The following LRRTM4 variants were observed in gnomAD, a reference collection of about 807,000 sequenced individuals.
The protein encoded by LRRTM4 is leucine-rich repeat transmembrane neuronal protein 4.
A neutral mutation model predicts 47.6 loss-of-function variants in LRRTM4; 25 were observed. That is an observed-to-expected ratio of 0.53 (90% CI 0.38 to 0.73). LRRTM4 has a LOEUF of 0.73. Ranked by LOEUF, LRRTM4 falls within the 30% of genes least tolerant of loss-of-function variation. The pLI is 0.00. For synonymous variants in LRRTM4, 311 were observed against 269.5 expected (o/e 1.15, Z -1.51); for missense variants, 638 against 713.4 (o/e 0.89, Z 1.20).
chr2:77,477,901 GAAAAAGA>G (rs1558761861), intron 3 of LRRTM4, among the ~76,000 whole-genome samples: 2 of 71,062 alleles, frequency 2.8e-5, no homozygotes, highest in African/African-American at 1.1e-4. Context: ...GAAAAAGAAA[GAAAAAGA>G]AAGAAAGAAA....
intron 3 of LRRTM4, among the ~76,000 whole-genome samples, chr2:77,502,018 G>T (rs1479168808): frequency 1.3e-5 from 2 of 151,260 alleles, no homozygotes; most frequent in Non-Finnish European, 3.0e-5. Flanking sequence ...TATCAGAAAT[G>T]ACATAAGTGC....
chr2:76,861,088 GGTAA>G (rs1672298361), intron 3 of LRRTM4, among the ~76,000 whole-genome samples: 1 of 151,922 alleles, frequency 6.6e-6, no homozygotes, highest in Non-Finnish European at 1.5e-5. Flanking sequence ...ACTATTTACT[GGTAA>G]GTGTTTTTTG....
intron 3 of LRRTM4, among the ~76,000 whole-genome samples, chr2:76,859,241 C>G (rs1672243811): frequency 6.6e-6 from 1 of 152,018 alleles, no homozygotes; most frequent in South Asian, 2.1e-4. Flanking sequence ...GTCTGAATCC[C>G]AGCTTTGTCA....
intron 3 of LRRTM4, among the ~76,000 whole-genome samples, chr2:76,874,137 G>A (rs551661014): frequency 2.6e-5 from 4 of 151,356 alleles, no homozygotes; most frequent in South Asian, 2.1e-4. Context: ...GAACATTTGC[G>A]TTAGAATTTT....
chr2:77,186,886 G>A (rs983846052), intron 3 of LRRTM4, among the ~76,000 whole-genome samples: 7 of 152,082 alleles, frequency 4.6e-5, no homozygotes, highest in Admixed American at 2.6e-4. Context: ...TCATCACACA[G>A]AAACTTCTTG....
At chr2:77,296,218 C>T (rs1676968956) in intron 3 of LRRTM4, among the ~76,000 whole-genome samples, 1 of 151,890 alleles carries the variant, frequency 6.6e-6, no homozygotes, top group East Asian at 1.9e-4. Flanking sequence ...CAATATTTTC[C>T]CCAACACTAA....
At chr2:77,391,783 G>A (rs1673514817) in intron 3 of LRRTM4, among the ~76,000 whole-genome samples, 1 of 151,912 alleles carries the variant, frequency 6.6e-6, no homozygotes, top group African/African-American at 2.4e-5. Flanking sequence ...GGGGAGGTGA[G>A]ACATGCCTCA....
rs1327605036 is a variant in LRRTM4 at position 76,814,642 on chromosome 2, G to A, written c.1552-65726C>T. 3.3e-5 allele frequency among the ~76,000 whole-genome samples: 5 copies of A among 152,110 alleles called. No homozygotes were observed. The East Asian group carries it at 9.7e-4, about 29-fold the overall frequency. ...AGATTATTTGAAGTTTATGAGAGGA[G>A]GGGTGTAGGTTATATGTAAATACTA... On this transcript the variant is annotated intron_variant, in intron 3 of 3. Coordinates refer to ENST00000409884, the MANE Select transcript of LRRTM4 (RefSeq NM_001134745.3).
intron 3 of LRRTM4, among the ~76,000 whole-genome samples, chr2:76,837,295 G>A (rs557714081): frequency 2.5e-4 from 38 of 151,844 alleles, no homozygotes; most frequent in Non-Finnish European, 3.5e-4. Context: ...TCTTCGTAGC[G>A]GTCTATCAAT....
intron 3 of LRRTM4, among the ~76,000 whole-genome samples, chr2:76,843,066 T>TA (rs1381195023): frequency 6.6e-6 from 1 of 152,208 alleles, no homozygotes. Flanking sequence ...TGTAAATCAA[T>TA]ACCTTCAACA....
chr2:77,070,538 A>G (rs552976044), intron 3 of LRRTM4, among the ~76,000 whole-genome samples: 24 of 152,236 alleles, frequency 1.6e-4, no homozygotes, highest in Non-Finnish European at 3.1e-4. Flanking sequence ...GCTTTTATTT[A>G]CTCATTTTTC....
chr2:77,158,728 G>A (rs576970233), intron 3 of LRRTM4, among the ~76,000 whole-genome samples: 1 of 151,586 alleles, frequency 6.6e-6, no homozygotes, highest in East Asian at 1.9e-4. Context: ...TACAAAAGTT[G>A]AAACTTGTCC....
chr2:77,065,054 GAAT>G (rs1000002662), intron 3 of LRRTM4, among the ~76,000 whole-genome samples: 3 of 152,118 alleles, frequency 2.0e-5, no homozygotes, highest in African/African-American at 4.8e-5. Flanking sequence ...TCAACACCTG[GAAT>G]AATAATTAAT....
chr2:77,152,490 G>T (rs1672456064), intron 3 of LRRTM4, among the ~76,000 whole-genome samples: 1 of 151,968 alleles, frequency 6.6e-6, no homozygotes. Flanking sequence ...CACCACGCCG[G>T]GCTAATTTTT....
rs1573046226 is a variant in LRRTM4 at position 76,748,410 on chromosome 2, T to C, written c.*285A>G. ...TATATGTAGCTAGGGTGAAATCTATTTTTATAAGAACTTGACACTCTTACT... is the reference window on the plus strand; with the variant it reads ...TATATGTAGCTAGGGTGAAATCTATCTTTATAAGAACTTGACACTCTTACT... On this transcript the variant is annotated 3_prime_UTR_variant, in exon 4 of 4. Coordinates refer to ENST00000409884, the MANE Select transcript of LRRTM4 (RefSeq NM_001134745.3). 2.4e-6 allele frequency: 1 copy of C among 414,434 alleles called. No individual in the cohort carries two copies. The highest frequency in any genetic ancestry group is 4.7e-5 in the East Asian group (1 of 21,294). The allele number at this position is 414,434 out of a possible 1,614,324, so 25.7% of individuals were successfully genotyped here. A position where few individuals can be genotyped will look rare whatever the true frequency, so the allele number is the denominator to read the frequency against.
intron 3 of LRRTM4, among the ~76,000 whole-genome samples, chr2:76,804,622 G>C (rs1675870068): frequency 6.8e-6 from 1 of 146,230 alleles, no homozygotes; most frequent in South Asian, 2.1e-4. Flanking sequence ...CATATGCATA[G>C]TATCTTGTAC....
chr2:77,054,706 A>G (rs1679546152), intron 3 of LRRTM4, among the ~76,000 whole-genome samples: 1 of 152,162 alleles, frequency 6.6e-6, no homozygotes, highest in Non-Finnish European at 1.5e-5. Flanking sequence ...GCTTAGTTTC[A>G]AGAATCATGG....
Position 77,519,335 on chromosome 2 carries a change from T to C in LRRTM4, c.534A>G (p.Gln178=). 1.2e-6 allele frequency: 2 copies of C among 1,613,470 alleles called. No individual in the cohort carries two copies. The highest frequency in any genetic ancestry group is 1.7e-6 in the Non-Finnish European group (2 of 1,179,604). The change falls in exon 3 of 4, where the codon CAA becomes CAG. Residue 178 remains glutamine, a synonymous_variant. Coordinates refer to ENST00000409884, the MANE Select transcript of LRRTM4 (RefSeq NM_001134745.3). This position sits in a 1 kb window ranked among gnomAD's most constrained non-coding sequence, Gnocchi z 4.6. The stretch of plus-strand genomic sequence containing the variant: ...CCAAAAAATCAAGATTCCGACAGTC[T>C]TGAAAAACTCTTATGGGCACAGTCT... The part of the protein sequence containing the change: ...SLKTVPIRVF[Q]DCRNLDFLDL...
chr2:77,031,835 A>C (rs1260052725), intron 3 of LRRTM4, among the ~76,000 whole-genome samples: 1 of 152,140 alleles, frequency 6.6e-6, no homozygotes, highest in Non-Finnish European at 1.5e-5. Context: ...ATTTAGAGAT[A>C]TGACTGTCTG....
Sources: gnomAD v4.1 joint callset for allele counts (sites outside exome capture counted in the v4.1 genomes callset) on GRCh38, gnomAD v4.1.1 for gene constraint, Gnocchi (gnomAD v3.1) non-coding constraint, MANE v1.5 for transcripts, NCBI Gene and HGNC (gene_info 2026-07-23, HGNC 2026-07-21) for gene names.